Variants in NAF1 observed in about 807,000 individuals in gnomAD.
NAF1 encodes the protein H/ACA ribonucleoprotein complex non-core subunit NAF1.
A neutral mutation model predicts 40.6 loss-of-function variants in NAF1; 11 were observed. The observed-to-expected ratio is 0.27, with a 90% CI of 0.17 to 0.45. The LOEUF (loss-of-function observed/expected upper bound fraction) is 0.45. Among genes scored for constraint, NAF1 ranks in the 20% least tolerant of loss-of-function variants. The pLI, the probability that NAF1 is intolerant of heterozygous loss-of-function variation, is 1.00. For missense variants in NAF1, 607 were observed against 611.1 expected (o/e 0.99, Z 0.07); for synonymous variants, 260 against 228.5 (o/e 1.14, Z -1.24).
In NAF1 at chr4:163,154,064, G is replaced by A. The variant is rs138776107; in HGVS notation, c.541-5630C>T. Among the ~76,000 whole-genome samples, 572 of 151,660 alleles carry A rather than the reference G, an allele frequency of 3.8e-3. 5 individuals are homozygous for A. Among genetic ancestry groups the A allele is most frequent in the African/African-American group, 0.013 (546 of 41,272 alleles). On this transcript the variant is annotated intron_variant, in intron 2 of 7. Coordinates refer to ENST00000274054, the MANE Select transcript of NAF1 (RefSeq NM_138386.3). ...TTCACTCCTGAGCCAGCAAGACCAC[G>A]AACCCACCAGAAGGAAGAAACTCCG...
rs1465402880 is a variant in NAF1 at position 163,144,032 on chromosome 4, C to T, written c.717+1750G>A. ...GGAACAACACTCCATCAATATAATA[C>T]AGAGTCCTCTAGAAAATCATCACAT... On this transcript the variant is annotated intron_variant, in intron 4 of 7. Transcript: ENST00000274054. 5.1e-6 allele frequency: 5 copies of T among 976,120 alleles called. No homozygotes were observed. In the African/African-American group the frequency reaches 8.8e-5, roughly 17 times the overall value. 60.5% of individuals were successfully genotyped at this position (976,120 alleles called of 1,614,324 possible). A position where few individuals can be genotyped will look rare whatever the true frequency, so the allele number is the denominator to read the frequency against.
At chr4:163,154,077 G>A (rs1731864671) in intron 2 of NAF1, among the ~76,000 whole-genome samples, 1 of 151,924 alleles carries the variant, frequency 6.6e-6, no homozygotes, top group South Asian at 2.1e-4. Context: ...CCCACCAGAA[G>A]GAAGAAACTC....
In NAF1 at chr4:163,128,981, G is replaced by A; in HGVS notation, c.1401C>T (p.Ser467=). The change falls in exon 8 of 8, where the codon TCC becomes TCT. Residue 467 remains serine, a synonymous_variant. Coordinates refer to ENST00000274054, the MANE Select transcript of NAF1 (RefSeq NM_138386.3). ...GTGGAGGGGGAGGGGGTGGGGGTAG[G>A]GAGTATGGTAAGTTAAGTAATGGAT... ...AAHPLLNLPY[S]LPPPPPPPPL... 1 of 1,515,680 alleles carries A rather than the reference G, an allele frequency of 6.6e-7. No homozygotes were observed. Among genetic ancestry groups the A allele is most frequent in the Non-Finnish European group, 9.0e-7 (1 of 1,113,808 alleles). The allele number at this position is 1,515,680 out of a possible 1,614,324, so 93.9% of individuals were successfully genotyped here.
At chr4:163,118,780 CTTATT>C (rs1730429360) in intron 2 of NAF1, among the ~76,000 whole-genome samples, 1 of 151,912 alleles carries the variant, frequency 6.6e-6, no homozygotes, top group Non-Finnish European at 1.5e-5. Context: ...AGAAATAAAA[CTTATT>C]TTATATGAGC....
intron 2 of NAF1, among the ~76,000 whole-genome samples, chr4:163,150,920 A>G (rs1050848238): frequency 2.0e-5 from 3 of 152,108 alleles, no homozygotes; most frequent in Non-Finnish European, 4.4e-5. Context: ...GCCATTACTG[A>G]TAAGTAAATT....
chr4:163,132,188 T>C (rs1730900016), intron 7 of NAF1, among the ~76,000 whole-genome samples: 1 of 152,196 alleles, frequency 6.6e-6, no homozygotes, highest in Non-Finnish European at 1.5e-5. Context: ...AATGCAACTA[T>C]TATACAACCA....
rs550585011 is a variant in NAF1 at position 163,166,248 on chromosome 4, G to A, written c.365+115C>T. The A allele has an allele frequency of 1.3e-5, 17 of 1,323,956 alleles. No individual in the cohort carries two copies. The African/African-American group carries it at 2.3e-4, about 18-fold the overall frequency. The allele number at this position is 1,323,956 out of a possible 1,614,324, so 82.0% of individuals were successfully genotyped here. On this transcript the variant is annotated intron_variant, in intron 1 of 7. Coordinates refer to ENST00000274054, the MANE Select transcript of NAF1 (RefSeq NM_138386.3). ...CAACACGTGAGCCCGGAGCACCAAC[G>A]ACCTGCCCACCCTCCAGGGCCCACA...
intron 3 of NAF1, 108 bp from the exon 4 acceptor site, chr4:163,145,972 G>A: frequency 5.0e-6 from 3 of 604,630 alleles, no homozygotes; most frequent in Admixed American, 3.5e-5. Context: ...ATTGAAGGTG[G>A]GATTATTACC....
intron 2 of NAF1, 31 bp downstream of exon 2, chr4:163,164,186 C>G: frequency 1.4e-6 from 2 of 1,475,600 alleles, no homozygotes; most frequent in Non-Finnish European, 1.8e-6. Flanking sequence ...TTAAAACATG[C>G]AAACTAAGCT....
Position 163,121,547 on chromosome 4 carries a change from T to C in NAF1, c.115-11257A>G, listed in dbSNP as rs528409043. On this transcript the variant is annotated intron_variant, in intron 2 of 2. Transcript: ENST00000509434. ...TTTTATATTTTCCAGCTTGCATTAC[T>C]AAAATTACCTACTTTTTAAACATTT... is the stretch of plus-strand genomic sequence containing the variant. Among the ~76,000 whole-genome samples the C allele has an allele frequency of 2.6e-5, 4 of 152,342 alleles. No individual in the cohort carries two copies. The South Asian group carries it at 8.3e-4, about 32-fold the overall frequency.
intron 2 of NAF1, among the ~76,000 whole-genome samples, chr4:163,150,196 G>C (rs964017008): frequency 1.3e-5 from 2 of 152,140 alleles, no homozygotes; most frequent in Non-Finnish European, 2.9e-5. Flanking sequence ...TAATAGTTAT[G>C]CTTTGATATA....
At chr4:163,132,805 C>CA (rs1004802280) in intron 7 of NAF1, among the ~76,000 whole-genome samples, 2 of 152,002 alleles carry the variant, frequency 1.3e-5, no homozygotes, top group African/African-American at 4.8e-5. Context: ...GTTTAATTTT[C>CA]AAAAAAGGTA....
chr4:163,141,914 G>T, intron 4 of NAF1: 1 of 974,306 alleles, frequency 1.0e-6, no homozygotes, highest in Non-Finnish European at 1.2e-6. Flanking sequence ...TTTTCATTAA[G>T]GCGTAAAACA....
intron 2 of NAF1, among the ~76,000 whole-genome samples, chr4:163,114,164 G>T (rs745532556): frequency 6.6e-6 from 1 of 152,186 alleles, no homozygotes; most frequent in Non-Finnish European, 1.5e-5. Flanking sequence ...TAAAATTCAG[G>T]AAACTGCATG....
intron 7 of NAF1, 149 bp downstream of exon 7, chr4:163,133,005 A>G (rs1465282528): frequency 1.6e-6 from 1 of 622,142 alleles, no homozygotes; most frequent in Non-Finnish European, 2.7e-6. Context: ...AAACTACCAC[A>G]CCTCCTGCTA....
At chr4:163,145,091 C>G (rs1454644001) in intron 4 of NAF1, among the ~76,000 whole-genome samples, 1 of 152,076 alleles carries the variant, frequency 6.6e-6, no homozygotes, top group Non-Finnish European at 1.5e-5. Flanking sequence ...TAAATACTTA[C>G]TTAGTATTTA....
intron 2 of NAF1, among the ~76,000 whole-genome samples, chr4:163,153,873 C>T (rs1731851052): frequency 6.6e-6 from 1 of 152,318 alleles, no homozygotes; most frequent in Middle Eastern, 3.4e-3. Flanking sequence ...AATCTTGCTA[C>T]TGCTCACTCT....
chr4:163,138,548 C>A (rs1360583321), intron 5 of NAF1, among the ~76,000 whole-genome samples: 2 of 152,082 alleles, frequency 1.3e-5, no homozygotes, highest in African/African-American at 4.8e-5. Flanking sequence ...CATTAGAGAA[C>A]AGTAAGCTGG....
chr4:163,143,227 A>G (rs941093548), intron 4 of NAF1, among the ~76,000 whole-genome samples: 1 of 152,164 alleles, frequency 6.6e-6, no homozygotes, highest in African/African-American at 2.4e-5. Context: ...TTTTACTCAA[A>G]GTCATTATAT....
Sources: gnomAD v4.1 joint callset for allele counts (sites outside exome capture counted in the v4.1 genomes callset) on GRCh38, gnomAD v4.1.1 for gene constraint, MANE v1.5 for transcripts, NCBI Gene and HGNC (gene_info 2026-07-23, HGNC 2026-07-21) for gene names.